The following TTLL5 variants were observed in gnomAD, a reference collection of about 807,000 sequenced individuals.
TTLL5 encodes the protein tubulin tyrosine ligase like 5.
In TTLL5, 132 loss-of-function variants were observed where a neutral mutation model predicts 168.4. That is an observed-to-expected ratio of 0.78 (90% CI 0.68 to 0.91). The LOEUF (loss-of-function observed/expected upper bound fraction) is 0.91, where lower values mean the gene tolerates loss of function less well. Among genes scored for constraint, TTLL5 ranks in the 40% least tolerant of loss-of-function variants. The probability of loss-of-function intolerance (pLI) is 0.00; values close to 1 mark genes in which losing one functional copy is unlikely to be tolerated. For synonymous variants in TTLL5, 546 were observed against 558.6 expected (o/e 0.98, Z 0.32); for missense variants, 1,545 against 1,581.5 (o/e 0.98, Z 0.39).
intron 29 of TTLL5, among the ~76,000 whole-genome samples, chr14:75,875,988 A>G (rs868193754): frequency 6.6e-6 from 1 of 152,248 alleles, no homozygotes; most frequent in Admixed American, 6.5e-5. Context: ...TGTGTGATCA[A>G]ACAGTGCTGG....
intron 3 of TTLL5, among the ~76,000 whole-genome samples, chr14:75,675,042 G>C (rs1325165906): frequency 1.3e-5 from 2 of 152,028 alleles, no homozygotes; most frequent in African/African-American, 4.8e-5. Flanking sequence ...AGTTTAAAAA[G>C]TAAATTCATA....
chr14:75,866,422 C>T (rs568133481), intron 29 of TTLL5, among the ~76,000 whole-genome samples: 8 of 151,624 alleles, frequency 5.3e-5, no homozygotes, highest in African/African-American at 7.3e-5. Context: ...TGGTTAACTG[C>T]CTGTTTGAAA....
At chr14:75,943,621 C>T (rs1457254911) in intron 31 of TTLL5, among the ~76,000 whole-genome samples, 2 of 152,140 alleles carry the variant, frequency 1.3e-5, no homozygotes, top group Non-Finnish European at 2.9e-5. Context: ...GAATCCTCCT[C>T]CAACCCAAAC....
chr14:75,804,085 C>T (rs1190933513), intron 27 of TTLL5, among the ~76,000 whole-genome samples: 2 of 152,094 alleles, frequency 1.3e-5, no homozygotes, highest in Non-Finnish European at 2.9e-5. Context: ...AGCCAGTGCC[C>T]GGGATGTGGC....
chr14:75,720,649 C>T lies in TTLL5; in HGVS notation c.988C>T (p.Leu330=), dbSNP rs755556648. ...CATTAAGACTATAATCTCTGCTGAA[C>T]TAGCTATTGCTACTGCCTGTAAAAC... The part of the protein sequence containing the change: ...LIIKTIISAE[L]AIATACKTFV... The change falls in exon 12 of 32, where the codon CTA becomes TTA. Residue 330 remains leucine (L), a synonymous_variant. Transcript: ENST00000298832. 1 of 1,613,742 alleles carries T rather than the reference C, an allele frequency of 6.2e-7. No homozygotes were observed.
chr14:75,924,483 T>G (rs1478953751), intron 31 of TTLL5, among the ~76,000 whole-genome samples: 1 of 151,766 alleles, frequency 6.6e-6, no homozygotes, highest in Non-Finnish European at 1.5e-5. Context: ...GTGGTGATGA[T>G]TCTTAATGAG....
intron 12 of TTLL5, among the ~76,000 whole-genome samples, chr14:75,728,222 G>C (rs1888307511): frequency 6.6e-6 from 1 of 152,060 alleles, no homozygotes; most frequent in Non-Finnish European, 1.5e-5. Context: ...CAGGCATGGT[G>C]GCAGGTGCCT....
chr14:75,902,081 G>A (rs962072115), intron 30 of TTLL5, 61 bp from the exon 31 acceptor site: 11 of 1,459,892 alleles, frequency 7.5e-6, no homozygotes, highest in Admixed American at 1.7e-5. Flanking sequence ...AGCCATCAGA[G>A]GTCCTGCACC....
intron 18 of TTLL5, among the ~76,000 whole-genome samples, chr14:75,755,720 G>A (rs1368535708): frequency 6.6e-6 from 1 of 152,130 alleles, no homozygotes; most frequent in Non-Finnish European, 1.5e-5. Context: ...TTTGTAGCAA[G>A]TCCTAGTATC....
At chr14:75,721,622 G>A (rs1887842436) in intron 12 of TTLL5, among the ~76,000 whole-genome samples, 2 of 152,130 alleles carry the variant, frequency 1.3e-5, no homozygotes, top group Admixed American at 1.3e-4. Context: ...GTGATTTTCA[G>A]CAAGTTACTC....
intron 31 of TTLL5, among the ~76,000 whole-genome samples, chr14:75,942,274 C>T (rs145819985): frequency 2.0e-5 from 3 of 152,220 alleles, no homozygotes; most frequent in Non-Finnish European, 4.4e-5. Flanking sequence ...CCGCTTACCA[C>T]ATCAGGCCTT....
At chr14:75,787,358 G>C (rs1362601744) in intron 26 of TTLL5, among the ~76,000 whole-genome samples, 5 of 152,136 alleles carry the variant, frequency 3.3e-5, no homozygotes, top group African/African-American at 1.2e-4. Context: ...TGGTATGGTT[G>C]CATTAATATA....
chr14:75,792,577 A>G (rs902897487), intron 26 of TTLL5, among the ~76,000 whole-genome samples: 26 of 149,864 alleles, frequency 1.7e-4, no homozygotes, highest in Non-Finnish European at 3.4e-4. Flanking sequence ...AAGAATTATA[A>G]TGAGTTTCAA....
intron 29 of TTLL5, among the ~76,000 whole-genome samples, chr14:75,874,773 TAAA>T (rs1300495842): frequency 6.6e-6 from 1 of 152,102 alleles, no homozygotes; most frequent in Non-Finnish European, 1.5e-5. Flanking sequence ...ACACTATTCT[TAAA>T]AAGCAAAGTA....
intron 27 of TTLL5, among the ~76,000 whole-genome samples, chr14:75,802,193 C>T (rs1286354033): frequency 6.6e-6 from 1 of 151,908 alleles, no homozygotes; most frequent in African/African-American, 2.4e-5. Flanking sequence ...CTTATCTTTA[C>T]TAATTCCTTC....
chr14:75,747,899 C>T (rs1482607426), intron 17 of TTLL5, among the ~76,000 whole-genome samples: 2 of 152,208 alleles, frequency 1.3e-5, no homozygotes, highest in Admixed American at 6.5e-5. Flanking sequence ...AGGGGTCCCT[C>T]ATGATGATTT....
chr14:75,814,546 T>C (rs1166046011), intron 27 of TTLL5: 1 of 152,204 alleles, frequency 6.6e-6, no homozygotes, highest in Admixed American at 6.5e-5. Flanking sequence ...ACTGGGAGAT[T>C]TTCCCTGCCC....
intron 31 of TTLL5, chr14:75,904,118 G>T (rs1281231061): frequency 4.0e-6 from 5 of 1,259,068 alleles, no homozygotes; most frequent in East Asian, 6.0e-5. Flanking sequence ...AGTATGATAG[G>T]AGTATAAGGA....
chr14:75,949,481 A>AAT (rs997866239), intron 31 of TTLL5, among the ~76,000 whole-genome samples: 15 of 147,474 alleles, frequency 1.0e-4, no homozygotes, highest in Middle Eastern at 3.6e-3. Context: ...TTATATAAAG[A>AAT]ATATATATAT....
Sources: allele counts gnomAD v4.1 joint callset (sites outside exome capture counted in the v4.1 genomes callset), GRCh38; gene constraint gnomAD v4.1.1; transcripts MANE v1.5; gene names NCBI Gene and HGNC (gene_info 2026-07-23, HGNC 2026-07-21).